Variants in SMPDL3A observed in about 807,000 individuals in gnomAD.
SMPDL3A encodes cyclic GMP-AMP phosphodiesterase SMPDL3A.
A neutral mutation model predicts 38.5 loss-of-function variants in SMPDL3A; 39 were observed. The observed-to-expected ratio is 1.01, with a 90% CI of 0.78 to 1.32. SMPDL3A has a LOEUF of 1.32. Among genes scored for constraint, SMPDL3A ranks in the 40% most tolerant of loss-of-function variants. The pLI is 0.00. For missense variants in SMPDL3A, 502 were observed against 536.2 expected, an observed-to-expected ratio of 0.94 and a Z score of 0.63; for synonymous variants, 180 against 194.3, an observed-to-expected ratio of 0.93 and a Z score of 0.61.
chr6:122,791,258 G>A (rs13200490), intron 1 of SMPDL3A, among the ~76,000 whole-genome samples: 3,725 of 152,244 alleles, frequency 0.024, 303 homozygotes, highest in Admixed American at 0.18. Context: ...TCACCTGTGT[G>A]TTTTTGGCTA....
intron 1 of SMPDL3A, chr6:122,789,704 G>A (rs1781003555): frequency 6.1e-6 from 3 of 493,482 alleles, no homozygotes; most frequent in Non-Finnish European, 5.3e-6. Context: ...GCCGGTGGGG[G>A]CGCTCCAAGG....
intron 6 of SMPDL3A, among the ~76,000 whole-genome samples, 182 bp from the exon 7 acceptor site, chr6:122,806,051 A>G (rs1781604358): frequency 6.6e-6 from 1 of 152,216 alleles, no homozygotes; most frequent in Admixed American, 6.5e-5. Flanking sequence ...TCTGGTATCA[A>G]TAACAAAAAT....
rs1314140041 is a variant in SMPDL3A at position 122,803,733 on chromosome 6, A to G, written c.638A>G (p.Tyr213Cys). Residue 213 changes from tyrosine (Y) to cysteine (C), a missense_variant, in exon 5 of 8, where the codon TAC becomes TGC. Transcript: ENST00000368440. ...ATCATCAGTCTAAACACAAACTTGT[A>G]CTACGGCCCAAATATAATGACACTG... ...LRIISLNTNL[Y>C]YGPNIMTLNK... 6.2e-7 allele frequency: 1 copy of G among 1,613,990 alleles called. No homozygotes were observed. Among genetic ancestry groups the G allele is most frequent in the South Asian group, 1.1e-5 (1 of 91,088 alleles).
Position 122,809,137 on chromosome 6 carries a change from G to C in SMPDL3A, c.1091G>C (p.Gly364Ala). 6.2e-7 allele frequency: 1 copy of C among 1,614,180 alleles called. No homozygotes were observed. Among genetic ancestry groups the C allele is most frequent in the Non-Finnish European group, 8.5e-7 (1 of 1,180,008 alleles). ...YLNLTEANLK[G>A]ESIWKLEYIL... ...AATCTGACAGAGGCGAATCTAAAGG[G>C]AGAGTCCATCTGGAAGCTGGAGTAT... The change falls in exon 8 of 8, where the codon GGA (glycine) becomes GCA (alanine). Residue 364 changes from glycine to alanine, a missense_variant. Transcript: ENST00000368440.
chr6:122,807,561 G>T (rs1781675494), intron 7 of SMPDL3A, among the ~76,000 whole-genome samples: 1 of 152,224 alleles, frequency 6.6e-6, no homozygotes, highest in Non-Finnish European at 1.5e-5. Context: ...GTTCTTTGGA[G>T]CAGCTTCATG....
intron 1 of SMPDL3A, among the ~76,000 whole-genome samples, chr6:122,792,732 C>G (rs1253240490): frequency 1.3e-5 from 2 of 151,170 alleles, no homozygotes; most frequent in East Asian, 3.9e-4. Context: ...CTCCCTGGCT[C>G]AAGAGATCCT....
intron 7 of SMPDL3A, among the ~76,000 whole-genome samples, chr6:122,808,751 G>A (rs1196680822): frequency 5.3e-5 from 8 of 150,390 alleles, no homozygotes; most frequent in Non-Finnish European, 7.4e-5. Context: ...TCGCAATCCC[G>A]GCTCACCGCA....
At position 122,804,186 on chromosome 6, in the gene SMPDL3A, C is replaced by T. The variant is rs763033785; in HGVS notation, c.738+353C>T. 6.0e-4 allele frequency among the ~76,000 whole-genome samples: 91 copies of T among 151,940 alleles called. 1 individual carries two copies. The highest frequency in any genetic ancestry group is 2.1e-4 in the Non-Finnish European group (14 of 67,980). On this transcript the variant is annotated intron_variant, in intron 5 of 7. Transcript: ENST00000368440. Reference sequence around the variant, plus strand: ...TATTTTTAGCAGAGACGGGGTTTTACCATGTTGGCCAGGTTGGTCTTGAAC... The same window carrying T: ...TATTTTTAGCAGAGACGGGGTTTTATCATGTTGGCCAGGTTGGTCTTGAAC...
intron 6 of SMPDL3A, 94 bp from the exon 7 acceptor site, chr6:122,806,139 T>C: frequency 8.9e-7 from 1 of 1,125,376 alleles, no homozygotes; most frequent in South Asian, 2.0e-5. Context: ...CACTTGGTTA[T>C]GTCTGTTAAT....
chr6:122,802,586 A>G (rs1163371076), intron 4 of SMPDL3A, among the ~76,000 whole-genome samples: 2 of 152,194 alleles, frequency 1.3e-5, no homozygotes, highest in African/African-American at 4.8e-5. Flanking sequence ...AATGATCAAG[A>G]TCCCTAAAGA....
chr6:122,809,127 AATCTAAAGGGAGAGTCC>A lies in SMPDL3A; in HGVS notation c.1086_1102del (p.Lys363GlufsTer13). The A allele has an allele frequency of 6.2e-7, 1 of 1,614,166 alleles. No individual in the cohort carries two copies. Among genetic ancestry groups the A allele is most frequent in the South Asian group, 1.1e-5 (1 of 91,086 alleles). The stretch of plus-strand genomic sequence containing the variant: ...GTATTACTTGAATCTGACAGAGGCG[AATCTAAAGGGAGAGTCC>A]ATCTGGAAGCTGGAGTATATCCTGA... On this transcript the variant is annotated frameshift_variant, in exon 8 of 8. Coordinates refer to ENST00000368440, the MANE Select transcript of SMPDL3A (RefSeq NM_006714.5). LOFTEE classifies it low-confidence loss of function (END_TRUNC).
Position 122,796,730 on chromosome 6 carries a change from G to A in SMPDL3A, c.327-94G>A, listed in dbSNP as rs1007477354. 7 of 967,758 alleles carry A rather than the reference G, an allele frequency of 7.2e-6. No homozygotes were observed. The African/African-American group carries it at 9.9e-5, about 14-fold the overall frequency. 59.9% of individuals were successfully genotyped at this position (967,758 alleles called of 1,614,324 possible). A position where few individuals can be genotyped will look rare whatever the true frequency, so the allele number is the denominator to read the frequency against. On this transcript the variant is annotated intron_variant, in intron 2 of 7. Coordinates refer to ENST00000368440, the MANE Select transcript of SMPDL3A (RefSeq NM_006714.5). ...TGTAATCTGCTGTTTTAAAATGGAA[G>A]TCTGCAGTGATAGGTATAGCAACGC...
chr6:122,802,927 T>A (rs1358771721), intron 4 of SMPDL3A, among the ~76,000 whole-genome samples: 2 of 152,132 alleles, frequency 1.3e-5, no homozygotes, highest in Non-Finnish European at 2.9e-5. Flanking sequence ...AAATAACTTC[T>A]GACAAATTCA....
rs1562349509 is a variant in SMPDL3A at position 122,796,868 on chromosome 6, C to T, written c.371C>T (p.Thr124Ile). The T allele has an allele frequency of 6.2e-7, 1 of 1,612,888 alleles. No individual in the cohort carries two copies. The highest frequency in any genetic ancestry group is 8.5e-7 in the Non-Finnish European group (1 of 1,179,046). ...CCTGTACCTGAACTCTCAACAGACA[C>T]TGTTATAAATGTGATCACTAATATG... is the stretch of plus-strand genomic sequence containing the variant. ...HVPVPELSTD[T>I]VINVITNMTT... is the part of the protein sequence containing the mutation. Residue 124 changes from threonine to isoleucine, a missense_variant, in exon 3 of 8, where the codon ACT (threonine) becomes ATT (isoleucine). Physicochemically the swap from Thr to Ile is moderately conservative, Grantham distance 89. Transcript: ENST00000368440.
intron 1 of SMPDL3A, among the ~76,000 whole-genome samples, chr6:122,792,669 T>C (rs1781116356): frequency 6.6e-6 from 1 of 150,940 alleles, no homozygotes. Flanking sequence ...ACAGGGTCTC[T>C]GTCACCCAGG....
chr6:122,809,029 T>C, intron 7 of SMPDL3A, 62 bp from the exon 8 acceptor site: 1 of 1,244,602 alleles, frequency 8.0e-7, no homozygotes, highest in Non-Finnish European at 1.2e-6. Context: ...GAACGCTTCT[T>C]GTTGTACAAT....
chr6:122,794,333 C>T (rs1781170787), intron 1 of SMPDL3A, among the ~76,000 whole-genome samples: 1 of 152,070 alleles, frequency 6.6e-6, no homozygotes, highest in Non-Finnish European at 1.5e-5. Flanking sequence ...TGTGGTGGCT[C>T]ACGCCTGTAA....
chr6:122,804,939 T>C lies in SMPDL3A; in HGVS notation c.769T>C (p.Tyr257His). The C allele has an allele frequency of 6.2e-7, 1 of 1,612,376 alleles. No homozygotes were observed. The highest frequency in any genetic ancestry group is 2.2e-5 in the East Asian group (1 of 44,802). Reference protein sequence around the residue: ...VYIIAHVPVGYLPSSQNITAM... With the variant: ...VYIIAHVPVGHLPSSQNITAM... The stretch of plus-strand genomic sequence containing the variant: ...TATCATAGCACATGTTCCAGTGGGG[T>C]ATCTGCCATCTTCACAGAACATCAC... Residue 257 changes from tyrosine to histidine, a missense_variant, in exon 6 of 8, where the codon TAT (tyrosine) becomes CAT (histidine). Transcript: ENST00000368440.
chr6:122,790,853 G>A (rs2115156909), intron 1 of SMPDL3A, among the ~76,000 whole-genome samples: 1 of 152,176 alleles, frequency 6.6e-6, no homozygotes, highest in Admixed American at 6.5e-5. Context: ...CGCTTTCTGG[G>A]GACTCTGTGA....
Sources: allele counts gnomAD v4.1 joint callset (sites outside exome capture counted in the v4.1 genomes callset), GRCh38; gene constraint gnomAD v4.1.1; transcripts MANE v1.5; gene names NCBI Gene and HGNC (gene_info 2026-07-23, HGNC 2026-07-21).